GLG1: variants seen among roughly 807,000 people sequenced by gnomAD.
GLG1 encodes golgi glycoprotein 1, also known as Golgi apparatus protein 1.
GLG1 carries 38 observed loss-of-function variants against 160.5 expected under a neutral mutation model. The ratio of observed to expected loss-of-function variants is 0.24; its 90% CI spans 0.18 to 0.31. The LOEUF is 0.31. GLG1 is among the 10% of genes least tolerant of loss of function. The pLI, the probability that GLG1 is intolerant of heterozygous loss-of-function variation, is 1.00. For synonymous variants in GLG1, 644 were observed against 543.4 expected (o/e 1.19, Z -2.57); for missense variants, 1,373 against 1,505.2 (o/e 0.91, Z 1.45).
At chr16:74,584,947 G>A (rs1476500496) in intron 1 of GLG1, among the ~76,000 whole-genome samples, 1 of 151,756 alleles carries the variant, frequency 6.6e-6, no homozygotes, top group African/African-American at 2.4e-5. Flanking sequence ...CCTACACACT[G>A]GGTACAGTGT....
At chr16:74,589,794 G>A (rs1391595533) in intron 1 of GLG1, among the ~76,000 whole-genome samples, 2 of 152,050 alleles carry the variant, frequency 1.3e-5, no homozygotes, top group African/African-American at 4.8e-5. Context: ...ATTCTTGGCC[G>A]AGCACGGTGG....
At chr16:74,514,495 TAAAGA>T (rs1337808562) in intron 2 of GLG1, among the ~76,000 whole-genome samples, 1 of 152,118 alleles carries the variant, frequency 6.6e-6, no homozygotes, top group African/African-American at 2.4e-5. Context: ...TCAACATTCT[TAAAGA>T]AAAGAATTTT....
chr16:74,539,344 G>A (rs1181573940), intron 1 of GLG1, among the ~76,000 whole-genome samples: 2 of 152,046 alleles, frequency 1.3e-5, no homozygotes, highest in African/African-American at 4.8e-5. Flanking sequence ...AAGATAGACG[G>A]GGAAAGACCC....
intron 9 of GLG1, among the ~76,000 whole-genome samples, chr16:74,484,049 A>G (rs2015701865): frequency 6.6e-6 from 1 of 151,892 alleles, no homozygotes; most frequent in South Asian, 2.1e-4. Context: ...ATGTATTTTC[A>G]TCTGTAGCAG....
intron 4 of GLG1, among the ~76,000 whole-genome samples, chr16:74,497,920 T>G (rs889639333): frequency 6.6e-6 from 1 of 152,202 alleles, no homozygotes; most frequent in African/African-American, 2.4e-5. Flanking sequence ...ATTACCACTG[T>G]TTACACAAAA....
chr16:74,491,883 T>C (rs540833363), intron 7 of GLG1, among the ~76,000 whole-genome samples: 8 of 151,070 alleles, frequency 5.3e-5, no homozygotes, highest in African/African-American at 1.9e-4. Flanking sequence ...TACCTCGGCC[T>C]CCCAAAGTGC....
intron 1 of GLG1, among the ~76,000 whole-genome samples, chr16:74,575,943 G>C (rs1053276427): frequency 6.6e-6 from 1 of 152,118 alleles, no homozygotes; most frequent in African/African-American, 2.4e-5. Flanking sequence ...GTTCACGCCA[G>C]TAATCCCAGC....
chr16:74,564,879 A>T (rs2018607620), intron 1 of GLG1, among the ~76,000 whole-genome samples: 1 of 152,236 alleles, frequency 6.6e-6, no homozygotes, highest in South Asian at 2.1e-4. Context: ...AAGAGATCCC[A>T]GCATAAGGAG....
intron 23 of GLG1, among the ~76,000 whole-genome samples, chr16:74,459,066 T>C (rs2014673683): frequency 6.6e-6 from 1 of 152,192 alleles, no homozygotes; most frequent in Non-Finnish European, 1.5e-5. Flanking sequence ...GATCATGTGA[T>C]GATAAAAGAG....
Position 74,545,906 on chromosome 16 carries a change from T to C in GLG1, c.439-13753A>G, listed in dbSNP as rs144550491. Among the ~76,000 whole-genome samples the C allele has an allele frequency of 3.0e-4, 45 of 152,316 alleles. No individual in the cohort carries two copies. The East Asian group carries it at 6.6e-3, about 22-fold the overall frequency. On this transcript the variant is annotated intron_variant, in intron 1 of 25. Transcript: ENST00000422840. ...AAAGTAAATGTTTGTTACCAACCGG[T>C]CAACTTTAATAAAGCAAGATCAATG...
chr16:74,472,469 G>C, intron 13 of GLG1, 58 bp from the exon 14 acceptor site: 2 of 1,393,940 alleles, frequency 1.4e-6, no homozygotes, highest in Non-Finnish European at 2.0e-6. Flanking sequence ...GGTGGAGGAG[G>C]AGCAGTTTCT....
At chr16:74,456,452 G>A (rs567362105) in intron 25 of GLG1, 197 bp downstream of exon 25, 7 of 544,124 alleles carry the variant, frequency 1.3e-5, no homozygotes, top group East Asian at 6.8e-5. Context: ...GAGCCACCGC[G>A]CCCGGCCCTG....
At chr16:74,568,380 C>A (rs1321907510) in intron 1 of GLG1, among the ~76,000 whole-genome samples, 1 of 150,536 alleles carries the variant, frequency 6.6e-6, no homozygotes, top group East Asian at 1.9e-4. Flanking sequence ...AAATCTCACT[C>A]TGATAAAGCA....
intron 4 of GLG1, 44 bp from the exon 5 acceptor site, chr16:74,496,688 G>T: frequency 1.7e-6 from 2 of 1,201,812 alleles, no homozygotes; most frequent in South Asian, 1.2e-5. Flanking sequence ...TTTATCACAT[G>T]GGTTTCAAAT....
intron 3 of GLG1, among the ~76,000 whole-genome samples, chr16:74,506,620 G>GAGC (rs1430290945): frequency 8.1e-6 from 1 of 122,924 alleles, no homozygotes; most frequent in Non-Finnish European, 1.7e-5. Flanking sequence ...GAGAAACCAG[G>GAGC]AGCACATTTT....
rs1355602905 is a variant in GLG1 at position 74,452,659 on chromosome 16, G to GA, written c.*507dup. ...CCCAAGGTGCTTCTGAGAGATGAAC[G>GA]AGACACCTCAGTCATGGCACACTGG... On this transcript the variant is annotated 3_prime_UTR_variant, in exon 26 of 26. Transcript: ENST00000422840. 5.0e-6 allele frequency: 5 copies of GA among 996,264 alleles called. No individual in the cohort carries two copies. The South Asian group carries it at 2.2e-4, about 45-fold the overall frequency. The allele number at this position is 996,264 out of a possible 1,614,324, so 61.7% of individuals were successfully genotyped here. A position where few individuals can be genotyped will look rare whatever the true frequency, so the allele number is the denominator to read the frequency against.
intron 1 of GLG1, among the ~76,000 whole-genome samples, chr16:74,552,966 C>T (rs2018243658): frequency 6.6e-6 from 1 of 152,026 alleles, no homozygotes; most frequent in African/African-American, 2.4e-5. Flanking sequence ...CGCTTGTAAT[C>T]CCTGCACTTT....
At chr16:74,598,485 C>A (rs958164310) in intron 1 of GLG1, among the ~76,000 whole-genome samples, 2 of 149,404 alleles carry the variant, frequency 1.3e-5, no homozygotes, top group Non-Finnish European at 3.0e-5. Flanking sequence ...CGCGCCACTG[C>A]ACTCTAGCTT....
chr16:74,453,314 G>A lies in GLG1; in HGVS notation c.3393C>T (p.Phe1131=). Residue 1131 remains phenylalanine, a synonymous_variant, in exon 26 of 26, where the codon TTC becomes TTT. Coordinates refer to ENST00000422840, the MANE Select transcript of GLG1 (RefSeq NM_001145667.2). ...TCATTACTTGCATGGCAAGATCAGAGAAGCCATCTGCTGGGGCCACCTAGA... is the reference window on the plus strand; with the variant it reads ...TCATTACTTGCATGGCAAGATCAGAAAAGCCATCTGCTGGGGCCACCTAGA... ...YAAKVAPADG[F]SDLAMQVMTS... is the part of the protein sequence containing the mutation. 6.2e-7 allele frequency: 1 copy of A among 1,613,394 alleles called. No homozygotes were observed. Among genetic ancestry groups the A allele is most frequent in the Non-Finnish European group, 8.5e-7 (1 of 1,179,324 alleles).
Sources: gnomAD v4.1 joint callset for allele counts (sites outside exome capture counted in the v4.1 genomes callset) on GRCh38, gnomAD v4.1.1 for gene constraint, MANE v1.5 for transcripts, NCBI Gene and HGNC (gene_info 2026-07-23, HGNC 2026-07-21) for gene names.